The following TOX variants were observed in gnomAD, a reference collection of about 807,000 sequenced individuals.
The protein encoded by TOX is thymocyte selection associated high mobility group box.
In TOX, 11 loss-of-function variants were observed where a neutral mutation model predicts 53.7. That is an observed-to-expected ratio of 0.20 (90% CI 0.13 to 0.34). The LOEUF (loss-of-function observed/expected upper bound fraction) is 0.34. TOX is among the 10% of genes least tolerant of loss of function. The pLI, the probability that TOX is intolerant of heterozygous loss-of-function variation, is 1.00. For synonymous variants in TOX, 225 were observed against 245.3 expected (o/e 0.92, Z 0.77); for missense variants, 570 against 664.6 (o/e 0.86, Z 1.56).
chr8:59,008,146 T>G (rs1396183322), intron 1 of TOX, among the ~76,000 whole-genome samples: 2 of 152,226 alleles, frequency 1.3e-5, no homozygotes, highest in African/African-American at 4.8e-5. Flanking sequence ...CTTGGAATGA[T>G]TGCCATTTCC....
chr8:58,923,357 A>G (rs1812103916), intron 3 of TOX, among the ~76,000 whole-genome samples: 3 of 152,170 alleles, frequency 2.0e-5, no homozygotes. Context: ...AGACTTGCTC[A>G]GTTTGGGTAA....
chr8:58,864,533 T>C (rs192802971), intron 3 of TOX, among the ~76,000 whole-genome samples: 3 of 152,338 alleles, frequency 2.0e-5, no homozygotes, highest in Non-Finnish European at 2.9e-5. Context: ...AAAACATTTA[T>C]GGGTACAGCA....
rs1415012105 is a variant in TOX at position 58,805,842 on chromosome 8, T to C, written c.*1905A>G. The stretch of plus-strand genomic sequence containing the variant: ...CACATGGATCTGCATTATTTATTAG[T>C]TATTACATGCTCAAGTGATTCAAGG... On this transcript the variant is annotated 3_prime_UTR_variant, in exon 9 of 9. Transcript: ENST00000361421. The C allele has an allele frequency of 6.5e-6, 1 of 152,676 alleles. No homozygotes were observed. The highest frequency in any genetic ancestry group is 1.5e-5 in the Non-Finnish European group (1 of 68,052). The allele number at this position is 152,676 out of a possible 1,614,324, so 9.5% of individuals were successfully genotyped here.
chr8:59,074,937 G>C (rs1380288072), intron 1 of TOX, among the ~76,000 whole-genome samples: 1 of 152,188 alleles, frequency 6.6e-6, no homozygotes, highest in Non-Finnish European at 1.5e-5. Flanking sequence ...AGGAAGAGCA[G>C]ACTACCTGCT....
intron 1 of TOX, among the ~76,000 whole-genome samples, chr8:58,966,453 G>C (rs1039958515): frequency 4.6e-5 from 7 of 152,106 alleles, no homozygotes; most frequent in African/African-American, 1.7e-4. Context: ...ACTTGAACTT[G>C]AGTGGTAAAC....
intron 3 of TOX, among the ~76,000 whole-genome samples, chr8:58,872,531 T>C (rs1009152115): frequency 6.6e-6 from 1 of 152,070 alleles, no homozygotes; most frequent in Admixed American, 6.6e-5. Flanking sequence ...GTGATCAAGG[T>C]CAACATCAAC....
chr8:58,867,066 T>C (rs1360651505), intron 3 of TOX, among the ~76,000 whole-genome samples: 1 of 152,200 alleles, frequency 6.6e-6, no homozygotes, highest in Non-Finnish European at 1.5e-5. Context: ...CTACCCAGCA[T>C]TTTTTAAATT....
chr8:59,035,857 C>T (rs180885434), intron 1 of TOX, among the ~76,000 whole-genome samples: 1 of 152,206 alleles, frequency 6.6e-6, no homozygotes, highest in Admixed American at 6.5e-5. Flanking sequence ...CATGTGCCAG[C>T]CAGAGGGCAC....
At position 59,117,618 on chromosome 8, in the gene TOX, G is replaced by A. The variant is rs911942828; in HGVS notation, c.102+1268C>T. Among the ~76,000 whole-genome samples the A allele has an allele frequency of 1.3e-5, 2 of 152,234 alleles. No homozygotes were observed. The highest frequency in any genetic ancestry group is 6.5e-5 in the Admixed American group (1 of 15,288). On this transcript the variant is annotated intron_variant, in intron 1 of 8. Transcript: ENST00000361421. This position sits in a 1 kb window ranked among gnomAD's most constrained non-coding sequence, Gnocchi z 4.6. ...CGCGTGGTGCGGAGTCCAGGGCTGA[G>A]AAGGCAGCGCACTAAATATCTCTGT... is the stretch of plus-strand genomic sequence containing the variant.
Position 58,808,225 on chromosome 8 carries a change from T to C in TOX, c.1437A>G (p.Thr479=), listed in dbSNP as rs775354867. Reference sequence around the variant, plus strand: ...GGGTGACAACTTGTGCAGCTGTAGATGTAGGATTGATAATAGTCTGATAGT... The same window carrying C: ...GGGTGACAACTTGTGCAGCTGTAGACGTAGGATTGATAATAGTCTGATAGT... ...QPDYQTIINP[T]STAAQVVTQA... The change falls in exon 8 of 9, where the codon ACA becomes ACG. Residue 479 remains threonine, a synonymous_variant. Coordinates refer to ENST00000361421, the MANE Select transcript of TOX (RefSeq NM_014729.3). 4.3e-6 allele frequency: 7 copies of C among 1,614,066 alleles called. No individual in the cohort carries two copies. Among genetic ancestry groups the C allele is most frequent in the Non-Finnish European group, 5.9e-6 (7 of 1,179,964 alleles).
At chr8:58,975,914 A>G (rs1483198821) in intron 1 of TOX, among the ~76,000 whole-genome samples, 1 of 152,164 alleles carries the variant, frequency 6.6e-6, no homozygotes, top group East Asian at 1.9e-4. Context: ...TCTACTAAAA[A>G]TACAAAAATT....
chr8:58,998,502 T>C (rs1323589164), intron 1 of TOX, among the ~76,000 whole-genome samples: 43 of 73,412 alleles, frequency 5.9e-4, no homozygotes, highest in Non-Finnish European at 9.0e-4. Flanking sequence ...AGTATATATA[T>C]ATATATATAT....
At chr8:59,004,030 C>T (rs2129418297) in intron 1 of TOX, among the ~76,000 whole-genome samples, 1 of 152,324 alleles carries the variant, frequency 6.6e-6, no homozygotes, top group African/African-American at 2.4e-5. Context: ...ATGGAAATCA[C>T]TACATTCTAT....
intron 1 of TOX, among the ~76,000 whole-genome samples, chr8:59,077,480 C>T (rs375370391): frequency 1.3e-5 from 2 of 152,108 alleles, no homozygotes; most frequent in South Asian, 2.1e-4. Flanking sequence ...ATGCTTGGTA[C>T]CCAGGAATGT....
intron 1 of TOX, among the ~76,000 whole-genome samples, chr8:59,099,655 T>C (rs1482158669): frequency 6.6e-6 from 1 of 152,234 alleles, no homozygotes; most frequent in Non-Finnish European, 1.5e-5. Flanking sequence ...TCACTCCATG[T>C]TGGCATTTGA....
intron 3 of TOX, among the ~76,000 whole-genome samples, chr8:58,920,971 A>C (rs1345673474): frequency 1.3e-5 from 2 of 152,186 alleles, no homozygotes; most frequent in Admixed American, 6.5e-5. Context: ...GTAAATATGC[A>C]TCTATGACTC....
intron 3 of TOX, among the ~76,000 whole-genome samples, chr8:58,912,826 G>A (rs190724624): frequency 1.2e-4 from 19 of 152,300 alleles, no homozygotes; most frequent in Admixed American, 3.3e-4. Flanking sequence ...TGAGCATGAT[G>A]ACAATGCTAA....
chr8:59,046,613 T>C (rs1803685657), intron 1 of TOX, among the ~76,000 whole-genome samples: 1 of 152,050 alleles, frequency 6.6e-6, no homozygotes, highest in African/African-American at 2.4e-5. Context: ...ATCCCAGCAC[T>C]TTGAGAGGCC....
intron 1 of TOX, among the ~76,000 whole-genome samples, chr8:59,109,812 C>T (rs16924611): frequency 0.013 from 1,935 of 152,172 alleles, 38 homozygotes; most frequent in African/African-American, 0.044. Flanking sequence ...TTTTGTGGGA[C>T]GTACTTACAG....
Sources: gnomAD v4.1 joint callset for allele counts (sites outside exome capture counted in the v4.1 genomes callset) on GRCh38, gnomAD v4.1.1 for gene constraint, Gnocchi (gnomAD v3.1) non-coding constraint, MANE v1.5 for transcripts, NCBI Gene and HGNC (gene_info 2026-07-23, HGNC 2026-07-21) for gene names.